Variants in IL12RB2 observed in about 807,000 individuals in gnomAD.
IL12RB2 encodes the protein interleukin-12 receptor subunit beta-2.
A neutral mutation model predicts 89.4 loss-of-function variants in IL12RB2; 82 were observed. That is an observed-to-expected ratio of 0.92 (90% CI 0.77 to 1.10). The LOEUF is 1.10. Among genes scored for constraint, IL12RB2 ranks in the 50% least tolerant of loss-of-function variants. The pLI is 0.00. For synonymous variants in IL12RB2, 368 were observed against 370.1 expected (o/e 0.99, Z 0.07); for missense variants, 963 against 1,031.9 (o/e 0.93, Z 0.92).
At chr1:67,347,090 A>T (rs1043423837) in intron 9 of IL12RB2, among the ~76,000 whole-genome samples, 4 of 152,224 alleles carry the variant, frequency 2.6e-5, no homozygotes, top group Non-Finnish European at 5.9e-5. Flanking sequence ...ACTGAGGCTC[A>T]AAAAGGGAAA....
chr1:67,323,732 T>C (rs1246258564), intron 4 of IL12RB2, among the ~76,000 whole-genome samples: 1 of 152,132 alleles, frequency 6.6e-6, no homozygotes, highest in African/African-American at 2.4e-5. Flanking sequence ...GAGGCTATGC[T>C]CCACCAACCC....
At chr1:67,369,948 G>A (rs1481473254) in intron 11 of IL12RB2, among the ~76,000 whole-genome samples, 2 of 151,266 alleles carry the variant, frequency 1.3e-5, no homozygotes, top group Non-Finnish European at 2.9e-5. Context: ...CTTGAACCCG[G>A]GAAGCGGAGA....
intron 9 of IL12RB2, among the ~76,000 whole-genome samples, chr1:67,348,790 A>G (rs1197081546): frequency 2.0e-5 from 3 of 152,178 alleles, no homozygotes; most frequent in East Asian, 3.9e-4. Context: ...CTGTCAGACG[A>G]GTTAGGCTTG....
Position 67,379,811 on chromosome 1 carries a change from C to T in IL12RB2, c.1718-175C>T, listed in dbSNP as rs559939190. The T allele has an allele frequency of 2.7e-4, 156 of 585,962 alleles. 1 individual carries two copies. The highest frequency in any genetic ancestry group is 4.2e-4 in the Non-Finnish European group (139 of 329,926). The allele number at this position is 585,962 out of a possible 1,614,324, so 36.3% of individuals were successfully genotyped here. On this transcript the variant is annotated intron_variant, in intron 13 of 16. Coordinates refer to ENST00000674203, the MANE Select transcript of IL12RB2 (RefSeq NM_001374259.2). ...TGTGGAGTGAGATGTCCATAAATGA[C>T]GATGTCTAGGGCCTATTAAGGTATT... is the stretch of plus-strand genomic sequence containing the variant.
In IL12RB2 at chr1:67,350,907, A is replaced by T; in HGVS notation, c.1076A>T (p.His359Leu). The stretch of plus-strand genomic sequence containing the variant: ...TCAGAGGCAAGAGGAAAAATTCTCC[A>T]CTATCAGGTGACCTTGCAGGAGCTG... ...SVSEARGKIL[H>L]YQVTLQELTG... The change falls in exon 10 of 17, where the codon CAC becomes CTC. Residue 359 changes from histidine (H) to leucine (L), a missense_variant. Coordinates refer to ENST00000674203, the MANE Select transcript of IL12RB2 (RefSeq NM_001374259.2). 1 of 1,614,050 alleles carries T rather than the reference A, an allele frequency of 6.2e-7. No individual in the cohort carries two copies. The highest frequency in any genetic ancestry group is 8.5e-7 in the Non-Finnish European group (1 of 1,179,970).
At chr1:67,393,210 T>TAAGA (rs1414261963) in intron 16 of IL12RB2, among the ~76,000 whole-genome samples, 1 of 152,152 alleles carries the variant, frequency 6.6e-6, no homozygotes, top group Non-Finnish European at 1.5e-5. Context: ...TACTGTTTCT[T>TAAGA]AAGATGTGGC....
At chr1:67,361,162 C>A (rs1212012144) in intron 10 of IL12RB2, among the ~76,000 whole-genome samples, 1 of 152,160 alleles carries the variant, frequency 6.6e-6, no homozygotes, top group African/African-American at 2.4e-5. Flanking sequence ...TCCCCCGACA[C>A]CTTTCTACCA....
At chr1:67,329,280 C>T (rs2100667951) in intron 6 of IL12RB2, among the ~76,000 whole-genome samples, 1 of 152,264 alleles carries the variant, frequency 6.6e-6, no homozygotes, top group East Asian at 1.9e-4. Context: ...TTGGGTTTGG[C>T]ACATTGGTTT....
intron 8 of IL12RB2, among the ~76,000 whole-genome samples, chr1:67,338,200 G>A (rs10889682): frequency 6.6e-6 from 1 of 151,024 alleles, no homozygotes; most frequent in Non-Finnish European, 1.5e-5. Context: ...GTGGTGGTAC[G>A]CACCTGTAGT....
intron 16 of IL12RB2, among the ~76,000 whole-genome samples, chr1:67,391,428 A>G (rs545441024): frequency 4.7e-5 from 7 of 147,906 alleles, no homozygotes; most frequent in Non-Finnish European, 1.0e-4. Context: ...ATATATATGT[A>G]TACAAACTGC....
intron 14 of IL12RB2, among the ~76,000 whole-genome samples, chr1:67,382,113 G>A (rs1034167463): frequency 6.6e-6 from 1 of 152,198 alleles, no homozygotes; most frequent in East Asian, 1.9e-4. Flanking sequence ...CAAGTGCCGT[G>A]GCTCCCACCT....
intron 10 of IL12RB2, among the ~76,000 whole-genome samples, chr1:67,361,326 T>C (rs1368548479): frequency 6.6e-6 from 1 of 152,154 alleles, no homozygotes; most frequent in Non-Finnish European, 1.5e-5. Flanking sequence ...AGAACCATAC[T>C]TGGATATGGC....
chr1:67,364,166 G>T (rs931881191), intron 10 of IL12RB2, among the ~76,000 whole-genome samples: 5 of 152,182 alleles, frequency 3.3e-5, no homozygotes, highest in Admixed American at 2.6e-4. Flanking sequence ...TGAGGCAGGC[G>T]GATCACTTGA....
chr1:67,386,329 G>A (rs1022483433), intron 14 of IL12RB2, among the ~76,000 whole-genome samples: 5 of 151,602 alleles, frequency 3.3e-5, no homozygotes, highest in South Asian at 2.1e-4. Context: ...TTTGCATTCC[G>A]TACCTCCTTT....
chr1:67,362,537 C>T (rs1172730100), intron 10 of IL12RB2, among the ~76,000 whole-genome samples: 2 of 126,828 alleles, frequency 1.6e-5, no homozygotes, highest in Admixed American at 1.9e-4. Flanking sequence ...CTGCAGTCCG[C>T]AGTCCGGCCT....
chr1:67,373,414 C>G (rs1239485579), intron 13 of IL12RB2, among the ~76,000 whole-genome samples: 1 of 152,228 alleles, frequency 6.6e-6, no homozygotes, highest in African/African-American at 2.4e-5. Context: ...CCCGCCAATC[C>G]TGTATAGGCC....
At chr1:67,344,174 G>A (rs1167351607) in intron 9 of IL12RB2, among the ~76,000 whole-genome samples, 2 of 152,242 alleles carry the variant, frequency 1.3e-5, no homozygotes, top group Non-Finnish European at 1.5e-5. Flanking sequence ...GATTACTTTA[G>A]TGAAGCACTG....
intron 2 of IL12RB2, among the ~76,000 whole-genome samples, chr1:67,319,147 C>T (rs944112586): frequency 1.3e-5 from 2 of 152,208 alleles, no homozygotes; most frequent in Non-Finnish European, 2.9e-5. Flanking sequence ...TTTTCTGAAG[C>T]TCTTCAATAT....
intron 2 of IL12RB2, among the ~76,000 whole-genome samples, chr1:67,316,573 C>T (rs368679866): frequency 6.7e-4 from 101 of 151,860 alleles, no homozygotes; most frequent in African/African-American, 2.3e-3. Flanking sequence ...TCCCTTTTTT[C>T]GCAAACAAGT....
Sources: allele counts gnomAD v4.1 joint callset (sites outside exome capture counted in the v4.1 genomes callset), GRCh38; gene constraint gnomAD v4.1.1; transcripts MANE v1.5; gene names NCBI Gene and HGNC (gene_info 2026-07-23, HGNC 2026-07-21).